The following NEO1 variants were observed in gnomAD, a reference collection of about 807,000 sequenced individuals.
NEO1 encodes the protein neogenin.
NEO1 carries 63 observed loss-of-function variants against 159.7 expected under a neutral mutation model. That is an observed-to-expected ratio of 0.39 (90% confidence interval 0.32 to 0.49). The LOEUF (loss-of-function observed/expected upper bound fraction) is 0.49. Ranked by LOEUF, NEO1 falls within the 20% of genes least tolerant of loss-of-function variation. NEO1 has a pLI of 0.85. For missense variants in NEO1, 1,615 were observed against 1,831.0 expected (o/e 0.88, Z 2.15); for synonymous variants, 633 against 662.0 (o/e 0.96, Z 0.67).
At chr15:73,242,554 G>A (rs1290748670) in intron 8 of NEO1, among the ~76,000 whole-genome samples, 1 of 152,088 alleles carries the variant, frequency 6.6e-6, no homozygotes, top group East Asian at 1.9e-4. Flanking sequence ...TGTAGTCCCA[G>A]CTACGTACTG....
In NEO1 at chr15:73,068,710, TTAAGA is replaced by T. The variant is rs537611608; in HGVS notation, c.130+15910_130+15914del. Among the ~76,000 whole-genome samples, 925 of 152,284 alleles carry T rather than the reference TTAAGA, an allele frequency of 6.1e-3. 13 individuals are homozygous for T. The highest frequency in any genetic ancestry group is 0.021 in the African/African-American group (879 of 41,542). On this transcript the variant is annotated intron_variant, in intron 1 of 28. Transcript: ENST00000261908. ...ATTTGTTCAGTTATTTTAGTGGATA[TTAAGA>T]TAAGGTGTTGGTGGGCATTGGTTAA...
intron 8 of NEO1, 122 bp downstream of exon 8, chr15:73,236,628 C>T (rs2039186784): frequency 2.5e-6 from 2 of 810,722 alleles, no homozygotes; most frequent in Non-Finnish European, 4.1e-6. Context: ...CACTGAGATG[C>T]ACCTTCCCTA....
intron 7 of NEO1, among the ~76,000 whole-genome samples, chr15:73,178,801 TGAG>T: frequency 6.6e-6 from 1 of 152,134 alleles, no homozygotes; most frequent in Admixed American, 6.6e-5. Flanking sequence ...ATTCAAACAC[TGAG>T]AAAACTAAAT....
intron 1 of NEO1, among the ~76,000 whole-genome samples, chr15:73,110,747 A>G (rs899077153): frequency 3.9e-5 from 6 of 152,172 alleles, no homozygotes; most frequent in African/African-American, 1.4e-4. Context: ...TTCAAAATGG[A>G]ATCCAGTGAC....
chr15:73,122,274 T>C (rs1312337710), intron 2 of NEO1, among the ~76,000 whole-genome samples: 1 of 151,774 alleles, frequency 6.6e-6, no homozygotes, highest in Non-Finnish European at 1.5e-5. Context: ...ATAGGACTTA[T>C]TCTACCCATC....
chr15:73,128,445 T>G (rs575353448), intron 4 of NEO1, among the ~76,000 whole-genome samples: 1 of 152,198 alleles, frequency 6.6e-6, no homozygotes, highest in Non-Finnish European at 1.5e-5. Context: ...AATGATTTTT[T>G]ATGTCAGAAA....
intron 7 of NEO1, among the ~76,000 whole-genome samples, chr15:73,186,529 A>G (rs1490028181): frequency 6.6e-6 from 1 of 152,138 alleles, no homozygotes; most frequent in Non-Finnish European, 1.5e-5. Flanking sequence ...TATTTTTAAG[A>G]TTAATTGCTT....
chr15:73,254,186 A>C (rs1279310507), intron 12 of NEO1, among the ~76,000 whole-genome samples: 1 of 151,358 alleles, frequency 6.6e-6, no homozygotes, highest in Non-Finnish European at 1.5e-5. Context: ...TGAGACCCCG[A>C]CTCTAAAAAA....
intron 7 of NEO1, among the ~76,000 whole-genome samples, chr15:73,182,967 T>A (rs1378186030): frequency 1.3e-5 from 2 of 152,078 alleles, no homozygotes; most frequent in Non-Finnish European, 2.9e-5. Flanking sequence ...ACTGTAAAAG[T>A]GAGTAAGAGG....
At chr15:73,120,594 A>G (rs2071588707) in intron 2 of NEO1, among the ~76,000 whole-genome samples, 3 of 151,534 alleles carry the variant, frequency 2.0e-5, no homozygotes, top group Admixed American at 1.3e-4. Context: ...TTAAGTGTTT[A>G]TGCAATATAC....
At chr15:73,188,662 A>G (rs2036069109) in intron 7 of NEO1, among the ~76,000 whole-genome samples, 2 of 152,224 alleles carry the variant, frequency 1.3e-5, no homozygotes, top group Non-Finnish European at 2.9e-5. Context: ...AGAACAATTA[A>G]TGGTTCGAGT....
intron 21 of NEO1, among the ~76,000 whole-genome samples, chr15:73,275,984 T>C (rs759242117): frequency 2.0e-5 from 3 of 152,230 alleles, no homozygotes; most frequent in Non-Finnish European, 4.4e-5. Flanking sequence ...CAGAACACTT[T>C]GGAAATGTGT....
intron 21 of NEO1, among the ~76,000 whole-genome samples, chr15:73,276,716 A>G (rs1024232208): frequency 6.6e-6 from 1 of 152,216 alleles, no homozygotes; most frequent in Non-Finnish European, 1.5e-5. Context: ...CAAACTTCAG[A>G]TTTTAATGTT....
At chr15:73,295,785 G>C (rs901707444) in intron 26 of NEO1, among the ~76,000 whole-genome samples, 2 of 152,176 alleles carry the variant, frequency 1.3e-5, no homozygotes, top group African/African-American at 4.8e-5. Flanking sequence ...TATGGGCTAA[G>C]CAGGGCCAGT....
intron 7 of NEO1, among the ~76,000 whole-genome samples, chr15:73,209,730 G>A (rs1024787839): frequency 4.6e-5 from 7 of 152,242 alleles, no homozygotes; most frequent in African/African-American, 1.4e-4. Context: ...GGTGGCTCAC[G>A]CCTGTAATTC....
chr15:73,228,932 A>G (rs1225255649), intron 7 of NEO1, among the ~76,000 whole-genome samples: 2 of 152,134 alleles, frequency 1.3e-5, no homozygotes, highest in African/African-American at 4.8e-5. Context: ...TCATTGATCG[A>G]TGTGCCTATT....
intron 7 of NEO1, among the ~76,000 whole-genome samples, chr15:73,184,563 C>T (rs1490063548): frequency 2.0e-5 from 3 of 152,148 alleles, no homozygotes; most frequent in Non-Finnish European, 4.4e-5. Context: ...CCAAGATGTC[C>T]TTCAGTAGGT....
intron 5 of NEO1, among the ~76,000 whole-genome samples, chr15:73,149,207 C>T (rs961315173): frequency 3.3e-5 from 5 of 151,780 alleles, no homozygotes; most frequent in South Asian, 4.2e-4. Flanking sequence ...CCCAGCTACT[C>T]GAGAGGCTGA....
chr15:73,147,880 C>T (rs1305280386), intron 5 of NEO1, among the ~76,000 whole-genome samples: 1 of 150,428 alleles, frequency 6.6e-6, no homozygotes, highest in Non-Finnish European at 1.5e-5. Context: ...GTTGCGCGAT[C>T]TCGGCTCACT....
Sources: gnomAD v4.1 joint callset for allele counts (sites outside exome capture counted in the v4.1 genomes callset) on GRCh38, gnomAD v4.1.1 for gene constraint, MANE v1.5 for transcripts, NCBI Gene and HGNC (gene_info 2026-07-23, HGNC 2026-07-21) for gene names.